Variants in STRADB observed in about 807,000 individuals in gnomAD.
STRADB encodes the protein STE20 related adaptor beta.
A neutral mutation model predicts 52.1 loss-of-function variants in STRADB; 34 were observed. That is an observed-to-expected ratio of 0.65 (90% CI 0.50 to 0.87). The LOEUF is 0.87. Among genes scored for constraint, STRADB ranks in the 40% least tolerant of loss-of-function variants. The pLI is 0.00. For synonymous variants in STRADB, 133 were observed against 174.5 expected (o/e 0.76, Z 1.87); for missense variants, 340 against 483.9 (o/e 0.70, Z 2.79).
At chr2:201,464,261 T>C (rs966466112) in intron 3 of STRADB, among the ~76,000 whole-genome samples, 1 of 152,126 alleles carries the variant, frequency 6.6e-6, no homozygotes, top group Non-Finnish European at 1.5e-5. Flanking sequence ...GAATTGAGTA[T>C]TGTGATCTAA....
At chr2:201,472,296 C>T (rs1952402279) in intron 4 of STRADB, among the ~76,000 whole-genome samples, 1 of 152,196 alleles carries the variant, frequency 6.6e-6, no homozygotes, top group South Asian at 2.1e-4. Flanking sequence ...TACTTAAAAA[C>T]CTGTATAGGA....
intron 4 of STRADB, among the ~76,000 whole-genome samples, chr2:201,470,999 A>G (rs1187060881): frequency 6.6e-6 from 1 of 152,190 alleles, no homozygotes; most frequent in Non-Finnish European, 1.5e-5. Context: ...GCCCGCCACC[A>G]GACGCTGGCC....
intron 5 of STRADB, 36 bp downstream of exon 5, chr2:201,473,112 T>C: frequency 1.3e-6 from 2 of 1,584,844 alleles, no homozygotes; most frequent in South Asian, 1.2e-5. Flanking sequence ...CAGTTGGGCC[T>C]CTGTATCCAC....
At chr2:201,473,927 G>T (rs1574292063) in intron 5 of STRADB, among the ~76,000 whole-genome samples, 2 of 140,258 alleles carry the variant, frequency 1.4e-5, no homozygotes, top group East Asian at 4.1e-4. Context: ...GTCTTGCTCA[G>T]TCGCCCAGGC....
In STRADB at chr2:201,480,050, G is replaced by A; in HGVS notation, c.1132G>A (p.Asp378Asn). 1 of 1,613,824 alleles carries A rather than the reference G, an allele frequency of 6.2e-7. No individual in the cohort carries two copies. Among genetic ancestry groups the A allele is most frequent in the Non-Finnish European group, 8.5e-7 (1 of 1,179,790 alleles). Residue 378 changes from aspartate (D) to asparagine (N), a missense_variant, in exon 12 of 12, where the codon GAT (aspartate) becomes AAT (asparagine). Coordinates refer to ENST00000194530, the MANE Select transcript of STRADB (RefSeq NM_018571.6). ...TTAACAGATGAAAGAAGAAAGCCAG[G>A]ATTCAATACTTTCACTGTTGCCTCC... ...FFKQMKEESQ[D>N]SILSLLPPAY...
At chr2:201,479,906 TA>T in intron 11 of STRADB, 125 bp from the exon 12 acceptor site, 1 of 1,187,652 alleles carries the variant, frequency 8.4e-7, no homozygotes, top group Admixed American at 2.0e-5. Flanking sequence ...AAGGCAGTTT[TA>T]GGGGAAATAC....
At chr2:201,454,684 G>A (rs975078279) in intron 1 of STRADB, 62 bp from the exon 2 acceptor site, 1 of 625,412 alleles carries the variant, frequency 1.6e-6, no homozygotes, top group African/African-American at 1.8e-5. Flanking sequence ...TGGGTTTAAG[G>A]CAACTGGTTC....
intron 1 of STRADB, 130 bp downstream of exon 1, chr2:201,452,068 A>C (rs966460927): frequency 2.0e-5 from 3 of 152,208 alleles, no homozygotes; most frequent in African/African-American, 4.8e-5. Context: ...CTCCAGCCCG[A>C]GCACCGGCGG....
At chr2:201,462,640 AAAAC>A (rs987899106) in intron 3 of STRADB, among the ~76,000 whole-genome samples, 2 of 152,208 alleles carry the variant, frequency 1.3e-5, no homozygotes, top group African/African-American at 2.4e-5. Context: ...ACTGATTGCA[AAAAC>A]AAACAGGCGA....
At chr2:201,453,521 G>GTAGT (rs1952082882) in intron 1 of STRADB, among the ~76,000 whole-genome samples, 3 of 152,232 alleles carry the variant, frequency 2.0e-5, no homozygotes, top group Admixed American at 2.0e-4. Context: ...ACTATGATGT[G>GTAGT]TAGTTTCTTC....
At chr2:201,459,418 C>A (rs1952178614) in intron 3 of STRADB, among the ~76,000 whole-genome samples, 1 of 152,164 alleles carries the variant, frequency 6.6e-6, no homozygotes, top group Admixed American at 6.6e-5. Flanking sequence ...TCTTTCAAAC[C>A]CACCAACTCA....
chr2:201,461,030 A>G (rs1952207761), intron 3 of STRADB, among the ~76,000 whole-genome samples: 1 of 151,306 alleles, frequency 6.6e-6, no homozygotes, highest in Non-Finnish European at 1.5e-5. Flanking sequence ...CCTCACCAGC[A>G]TTTGTTATTG....
At position 201,478,112 on chromosome 2, in the gene STRADB, C is replaced by G; in HGVS notation, c.746C>G (p.Ser249Ter). ...RQDLHGYNVK[S>*]DIYSVGITAC... ...GATTTACATGGGTATAATGTGAAGT[C>G]AGATATTTACAGTGTTGGGATTACA... The change falls in exon 9 of 12, where the codon TCA becomes TGA. Residue 249 changes from serine to a stop codon, truncating the protein, a stop_gained. Transcript: ENST00000194530. LOFTEE classifies it high-confidence loss of function. 1 of 1,611,958 alleles carries G rather than the reference C, an allele frequency of 6.2e-7. No homozygotes were observed. Among genetic ancestry groups the G allele is most frequent in the South Asian group, 1.1e-5 (1 of 90,286 alleles).
rs1273858420 is a variant in STRADB at position 201,473,143 on chromosome 2, C to T, written c.315+67C>T. ...TCCACTGGTTCCACATCTGCAGATTCAACCAATTGTGAATAGAAAATATAT... is the reference window on the plus strand; with the variant it reads ...TCCACTGGTTCCACATCTGCAGATTTAACCAATTGTGAATAGAAAATATAT... On this transcript the variant is annotated intron_variant, in intron 5 of 11. Coordinates refer to ENST00000194530, the MANE Select transcript of STRADB (RefSeq NM_018571.6). 2.1e-6 allele frequency: 3 copies of T among 1,399,104 alleles called. No homozygotes were observed. In the African/African-American group the frequency reaches 4.4e-5, roughly 21 times the overall value. The allele number at this position is 1,399,104 out of a possible 1,614,324, so 86.7% of individuals were successfully genotyped here.
intron 5 of STRADB, among the ~76,000 whole-genome samples, chr2:201,474,124 T>C (rs551020957): frequency 2.6e-5 from 4 of 152,112 alleles, no homozygotes; most frequent in Non-Finnish European, 1.5e-5. Flanking sequence ...TCTCCTGATG[T>C]CGTGATCTGC....
chr2:201,477,884 A>G (rs1952504174), intron 8 of STRADB, 94 bp downstream of exon 8: 3 of 1,448,692 alleles, frequency 2.1e-6, no homozygotes, highest in East Asian at 4.6e-5. Flanking sequence ...GGATTGGTGA[A>G]TGGCCTTCTG....
At chr2:201,452,142 C>T (rs1247297085) in intron 1 of STRADB, among the ~76,000 whole-genome samples, 1 of 151,912 alleles carries the variant, frequency 6.6e-6, no homozygotes, top group Non-Finnish European at 1.5e-5. Flanking sequence ...CAGTGCAGCT[C>T]GGGCTCAGCG....
rs770976927 is a variant in STRADB at position 201,472,904 on chromosome 2, C to CA, written c.194-50dup. On this transcript the variant is annotated intron_variant, in intron 4 of 11. Coordinates refer to ENST00000194530, the MANE Select transcript of STRADB (RefSeq NM_018571.6). ...TCAATTTTGATGATGTCTAAATTGTCAGTTTTTTTTCTTCTTTGGTTACTA... is the reference window on the plus strand; with the variant it reads ...TCAATTTTGATGATGTCTAAATTGTCAAGTTTTTTTTCTTCTTTGGTTACTA... 9.2e-6 allele frequency: 14 copies of CA among 1,522,254 alleles called. No homozygotes were observed. The Admixed American group carries it at 2.4e-4, about 26-fold the overall frequency. 94.3% of individuals were successfully genotyped at this position (1,522,254 alleles called of 1,614,324 possible). A position where few individuals can be genotyped will look rare whatever the true frequency, so the allele number is the denominator to read the frequency against.
rs190749888 is a variant in STRADB at position 201,466,444 on chromosome 2, G to T, written c.94-3509G>T. On this transcript the variant is annotated intron_variant, in intron 3 of 11. Transcript: ENST00000194530. The stretch of plus-strand genomic sequence containing the variant: ...AAATGAATTGGAAAAGTTGTATAAT[G>T]TAAGTTGACACCAGCTGGAAACTGG... 5.5e-4 allele frequency among the ~76,000 whole-genome samples: 84 copies of T among 152,308 alleles called. No homozygotes were observed. The East Asian group carries it at 0.016, about 29-fold the overall frequency.
Sources: gnomAD v4.1 joint callset for allele counts (sites outside exome capture counted in the v4.1 genomes callset) on GRCh38, gnomAD v4.1.1 for gene constraint, MANE v1.5 for transcripts, NCBI Gene and HGNC (gene_info 2026-07-23, HGNC 2026-07-21) for gene names.